LANCL1: variants seen among roughly 807,000 people sequenced by gnomAD.
LANCL1 encodes the protein LanC like glutathione S-transferase 1.
Under a neutral mutation model 50.6 loss-of-function variants are expected in LANCL1, and 50 were observed. That is an observed-to-expected ratio of 0.99 (90% CI 0.79 to 1.25). The LOEUF is 1.25. Among genes scored for constraint, LANCL1 ranks in the 50% most tolerant of loss-of-function variants. The pLI is 0.00. For missense variants in LANCL1, 532 were observed against 480.7 expected, an observed-to-expected ratio of 1.11 and a Z score of -1.00; for synonymous variants, 188 against 178.6, an observed-to-expected ratio of 1.05 and a Z score of -0.42.
chr2:210,440,756 A>T lies in LANCL1; in HGVS notation c.544-12T>A, dbSNP rs1443945288. The T allele has an allele frequency of 6.2e-7, 1 of 1,605,730 alleles. No individual in the cohort carries two copies. The highest frequency in any genetic ancestry group is 8.5e-7 in the Non-Finnish European group (1 of 1,177,182). The stretch of plus-strand genomic sequence containing the variant: ...ATTGTTTCACAAATCTACAGGGAGA[A>T]AACCAACCAAAATAACAAGTTAACT... On this transcript the variant is annotated splice_polypyrimidine_tract_variant and intron_variant, in intron 5 of 9. Transcript: ENST00000450366.
At chr2:210,463,982 T>G (rs939054886) in intron 3 of LANCL1, among the ~76,000 whole-genome samples, 4 of 152,248 alleles carry the variant, frequency 2.6e-5, no homozygotes, top group Admixed American at 2.6e-4. Context: ...TCTTCACTAT[T>G]TCATACCCTC....
intron 4 of LANCL1, among the ~76,000 whole-genome samples, chr2:210,451,716 C>T (rs1228797063): frequency 6.6e-6 from 1 of 152,188 alleles, no homozygotes; most frequent in Non-Finnish European, 1.5e-5. Flanking sequence ...GCCCCCATAG[C>T]ACTCACAGCC....
Position 210,440,717 on chromosome 2 carries a change from C to A in LANCL1, c.571G>T (p.Glu191Ter), listed in dbSNP as rs1574415752. Residue 191 changes from glutamate to a stop codon, truncating the protein, a stop_gained, in exon 6 of 10, where the codon GAA (glutamate) becomes TAA (stop). Transcript: ENST00000450366. LOFTEE classifies it high-confidence loss of function. ...QICETILTSG[E>*]NLARKRNFTA... ...AAGTTTCTCTTCCTAGCTAGGTTTT[C>A]TCCAGAGGTTAAAATTGTTTCACAA... The A allele has an allele frequency of 6.2e-7, 1 of 1,613,936 alleles. No homozygotes were observed.
In LANCL1 at chr2:210,432,188, G is replaced by C. The variant is rs1692767404; in HGVS notation, c.*2299C>G. ...GTTAGGGGATTGTCTCAGCGTTGTA[G>C]GCTTTGCCTGAATTTAAAATCCCAT... On this transcript the variant is annotated 3_prime_UTR_variant, in exon 10 of 10. Coordinates refer to ENST00000450366, the MANE Select transcript of LANCL1 (RefSeq NM_006055.3). The C allele has an allele frequency of 6.6e-6, 1 of 152,158 alleles. No individual in the cohort carries two copies. The highest frequency in any genetic ancestry group is 1.5e-5 in the Non-Finnish European group (1 of 68,030). The allele number at this position is 152,158 out of a possible 1,614,324, so 9.4% of individuals were successfully genotyped here. A position where few individuals can be genotyped will look rare whatever the true frequency, so the allele number is the denominator to read the frequency against.
chr2:210,477,342 A>T (rs868781840), upstream of LANCL1: 59 of 219,422 alleles, frequency 2.7e-4, no homozygotes, highest in Non-Finnish European at 3.7e-4. Context: ...CAAAGCTCTA[A>T]AAAATACTGA....
At chr2:210,435,862 G>C (rs1692910061) in intron 8 of LANCL1, among the ~76,000 whole-genome samples, 2 of 143,628 alleles carry the variant, frequency 1.4e-5, no homozygotes, top group Non-Finnish European at 3.0e-5. Context: ...AGATGAACTA[G>C]AACTCTTTCT....
At position 210,441,370 on chromosome 2, in the gene LANCL1, C is replaced by A; in HGVS notation, c.481G>T (p.Ala161Ser). ...AAGTTCTTATTGACAAAAAGAAGAG[C>A]ATAGATGTAGCCTATTCGCCCATAG... ...MLYGRIGYIY[A>S]LLFVNKNFGV... Residue 161 changes from alanine to serine, a missense_variant, in exon 5 of 10, where the codon GCT becomes TCT. Ala to Ser is a moderately conservative substitution (Grantham distance 99). Transcript: ENST00000450366. 1 of 1,613,010 alleles carries A rather than the reference C, an allele frequency of 6.2e-7. No individual in the cohort carries two copies. The highest frequency in any genetic ancestry group is 2.2e-5 in the East Asian group (1 of 44,854).
At chr2:210,472,327 A>G (rs1157118087) in intron 2 of LANCL1, among the ~76,000 whole-genome samples, 1 of 152,222 alleles carries the variant, frequency 6.6e-6, no homozygotes, top group Non-Finnish European at 1.5e-5. Flanking sequence ...CCAATGATAA[A>G]CTGGCTCACA....
At chr2:210,463,248 T>C (rs905568536) in intron 3 of LANCL1, among the ~76,000 whole-genome samples, 1 of 152,106 alleles carries the variant, frequency 6.6e-6, no homozygotes, top group African/African-American at 2.4e-5. Context: ...TCTCCCTTTG[T>C]TGCTCAGGCT....
chr2:210,442,801 G>C (rs1281165133), intron 4 of LANCL1: 1 of 152,248 alleles, frequency 6.6e-6, no homozygotes, highest in Non-Finnish European at 1.5e-5. Flanking sequence ...CCCAGAAGAA[G>C]CCCTCTAGTG....
chr2:210,440,895 AGAG>A, intron 5 of LANCL1, 151 bp from the exon 6 acceptor site: 1 of 701,110 alleles, frequency 1.4e-6, no homozygotes, highest in South Asian at 1.9e-5. Context: ...ATTCTCCATC[AGAG>A]AAGTGTGTGG....
chr2:210,457,703 T>A (rs1693712303), intron 3 of LANCL1, among the ~76,000 whole-genome samples: 1 of 152,210 alleles, frequency 6.6e-6, no homozygotes, highest in Non-Finnish European at 1.5e-5. Context: ...GCAACCATTT[T>A]CATCAGTTTC....
chr2:210,466,811 G>A (rs112063238), intron 3 of LANCL1, among the ~76,000 whole-genome samples: 2,527 of 152,258 alleles, frequency 0.017, 56 homozygotes, highest in Middle Eastern at 0.054. Flanking sequence ...AGATGCCATC[G>A]TTGATACAGT....
At chr2:210,460,461 TTTC>T (rs777160581) in intron 3 of LANCL1, 1 of 152,244 alleles carries the variant, frequency 6.6e-6, no homozygotes, top group Non-Finnish European at 1.5e-5. Context: ...ATTATTATGT[TTTC>T]TTCTTTTCAG....
intron 2 of LANCL1, among the ~76,000 whole-genome samples, chr2:210,475,337 ATTTTT>A (rs1183630515): frequency 6.6e-6 from 1 of 152,058 alleles, no homozygotes; most frequent in African/African-American, 2.4e-5. Context: ...ACTAAATTTT[ATTTTT>A]TTATTTTTTA....
chr2:210,464,919 T>A (rs1433107512), intron 3 of LANCL1, among the ~76,000 whole-genome samples: 1 of 150,566 alleles, frequency 6.6e-6, no homozygotes, highest in Non-Finnish European at 1.5e-5. Flanking sequence ...TGAGCCGAGA[T>A]TGCGCCACTG....
chr2:210,434,826 C>T (rs1313686861), intron 9 of LANCL1, among the ~76,000 whole-genome samples: 3 of 152,182 alleles, frequency 2.0e-5, no homozygotes, highest in South Asian at 2.1e-4. Flanking sequence ...TGACACCCCC[C>T]GAGAGCAGTT....
chr2:210,439,850 GCCTTGGGAAGGTGACAGGGGTA>G (rs1425653943), intron 6 of LANCL1, among the ~76,000 whole-genome samples: 2 of 152,124 alleles, frequency 1.3e-5, no homozygotes, highest in African/African-American at 4.8e-5. Flanking sequence ...GCCACAGTGT[GCCTTGGGAAGGTGACAGGGGTA>G]CCTCTGCTGC....
At chr2:210,474,441 C>G (rs575178287) in intron 2 of LANCL1, among the ~76,000 whole-genome samples, 2 of 152,028 alleles carry the variant, frequency 1.3e-5, no homozygotes, top group Non-Finnish European at 1.5e-5. Context: ...TTTGGCCCGA[C>G]ATGGTGGCTC....
Sources: allele counts gnomAD v4.1 joint callset (sites outside exome capture counted in the v4.1 genomes callset), GRCh38; gene constraint gnomAD v4.1.1; transcripts MANE v1.5; gene names NCBI Gene and HGNC (gene_info 2026-07-23, HGNC 2026-07-21).